LRCH1: variants seen among roughly 807,000 people sequenced by gnomAD.
LRCH1 encodes the protein leucine rich repeats and calponin homology domain containing 1.
LRCH1 carries 23 observed loss-of-function variants against 94.9 expected under a neutral mutation model. The ratio of observed to expected loss-of-function variants is 0.24; its 90% CI spans 0.17 to 0.34. The LOEUF (loss-of-function observed/expected upper bound fraction) is 0.34, where lower values mean the gene tolerates loss of function less well. LRCH1 is among the 10% of genes least tolerant of loss of function. The pLI is 1.00. For missense variants in LRCH1, 790 were observed against 945.9 expected, an observed-to-expected ratio of 0.84 and a Z score of 2.16; for synonymous variants, 364 against 354.9, an observed-to-expected ratio of 1.03 and a Z score of -0.29.
At chr13:46,609,271 A>G (rs1327551915) in intron 1 of LRCH1, among the ~76,000 whole-genome samples, 1 of 152,188 alleles carries the variant, frequency 6.6e-6, no homozygotes, top group East Asian at 1.9e-4. Flanking sequence ...GTTCTGGGAC[A>G]GAGTTATAGG....
chr13:46,669,166 C>T lies in LRCH1; in HGVS notation c.579+10C>T, dbSNP rs751364118. ...ACAGTTAATGGAGCTGGTATGTTAC[C>T]GATTTTTAAGATGCTCTTTTTTGTT... On this transcript the variant is annotated intron_variant, in intron 3 of 19. Coordinates refer to ENST00000389797, the MANE Select transcript of LRCH1 (RefSeq NM_001164211.2). 24 of 1,612,116 alleles carry T rather than the reference C, an allele frequency of 1.5e-5. No homozygotes were observed. The Admixed American group carries it at 2.5e-4, about 17-fold the overall frequency.
chr13:46,601,282 A>C (rs1333305059), intron 1 of LRCH1, among the ~76,000 whole-genome samples: 1 of 152,234 alleles, frequency 6.6e-6, no homozygotes, highest in Non-Finnish European at 1.5e-5. Flanking sequence ...CTCCCTACAG[A>C]AAACAGCAAA....
intron 1 of LRCH1, among the ~76,000 whole-genome samples, chr13:46,621,400 G>C (rs1009059852): frequency 1.3e-5 from 2 of 152,238 alleles, no homozygotes; most frequent in Non-Finnish European, 2.9e-5. Context: ...TCAGTTCTGA[G>C]TGCAGGGTGC....
chr13:46,710,911 T>C (rs1051664159), intron 13 of LRCH1, among the ~76,000 whole-genome samples: 2 of 152,150 alleles, frequency 1.3e-5, no homozygotes, highest in African/African-American at 4.8e-5. Flanking sequence ...TGTTTCTGCG[T>C]GTCCCTTTCA....
At chr13:46,560,146 T>TATATATATATATATATATATATAG (rs1446345751) in intron 1 of LRCH1, among the ~76,000 whole-genome samples, 2 of 150,046 alleles carry the variant, frequency 1.3e-5, no homozygotes, top group Admixed American at 1.3e-4. Flanking sequence ...CCCCCATATA[T>TATATATATATATATATATATATAG]ATAGACTTTT....
intron 1 of LRCH1, among the ~76,000 whole-genome samples, chr13:46,586,478 C>T (rs2050436433): frequency 6.6e-6 from 1 of 152,118 alleles, no homozygotes; most frequent in Admixed American, 6.5e-5. Flanking sequence ...TGCAGAGGTG[C>T]AATCTTAGCT....
intron 1 of LRCH1, among the ~76,000 whole-genome samples, chr13:46,554,177 T>G (rs1006086371): frequency 2.6e-5 from 4 of 152,240 alleles, no homozygotes; most frequent in Non-Finnish European, 5.9e-5. Context: ...TAGCCCATCC[T>G]GGTGGGGAAA....
intron 1 of LRCH1, among the ~76,000 whole-genome samples, chr13:46,646,904 G>A (rs1747227): frequency 0.59 from 89,374 of 151,844 alleles, 26,306 homozygotes; most frequent in South Asian, 0.68. Flanking sequence ...CCTGAGGTCC[G>A]GGGTTTAAGA....
intron 1 of LRCH1, among the ~76,000 whole-genome samples, chr13:46,569,626 C>T (rs542469713): frequency 2.6e-5 from 4 of 152,198 alleles, no homozygotes; most frequent in African/African-American, 7.2e-5. Flanking sequence ...GCTTGCCCAC[C>T]GAGGCTCAGC....
intron 10 of LRCH1, among the ~76,000 whole-genome samples, chr13:46,700,294 G>T (rs1871396338): frequency 6.6e-6 from 1 of 152,136 alleles, no homozygotes; most frequent in African/African-American, 2.4e-5. Context: ...TCTCCTTACA[G>T]AAAGTCATTG....
intron 1 of LRCH1, among the ~76,000 whole-genome samples, chr13:46,648,856 G>A (rs542706135): frequency 6.6e-6 from 1 of 151,976 alleles, no homozygotes; most frequent in African/African-American, 2.4e-5. Context: ...CCTTAATAAG[G>A]TTGTTTAAAA....
chr13:46,690,649 T>A (rs1314394263), intron 7 of LRCH1, among the ~76,000 whole-genome samples: 1 of 152,192 alleles, frequency 6.6e-6, no homozygotes, highest in Non-Finnish European at 1.5e-5. Context: ...GAGAGGTGGG[T>A]AGAAAGAGAA....
At chr13:46,604,112 C>A (rs1216768940) in intron 1 of LRCH1, among the ~76,000 whole-genome samples, 4 of 152,198 alleles carry the variant, frequency 2.6e-5, no homozygotes, top group Non-Finnish European at 4.4e-5. Flanking sequence ...AAATACAAGA[C>A]ACCCAGTTAA....
At chr13:46,718,021 A>G (rs1183541161) in intron 16 of LRCH1, among the ~76,000 whole-genome samples, 1 of 152,190 alleles carries the variant, frequency 6.6e-6, no homozygotes. Flanking sequence ...CTGGAGCTGG[A>G]TGGGACAGCT....
At chr13:46,711,941 T>C in intron 14 of LRCH1, 97 bp downstream of exon 14, 1 of 913,582 alleles carries the variant, frequency 1.1e-6, no homozygotes, top group Non-Finnish European at 1.7e-6. Flanking sequence ...TTGTGATTAA[T>C]TAATTAATTG....
At chr13:46,625,259 A>C (rs2050931665) in intron 1 of LRCH1, among the ~76,000 whole-genome samples, 1 of 152,066 alleles carries the variant, frequency 6.6e-6, no homozygotes. Context: ...ATACTTCTGT[A>C]CTCCACCTAT....
At chr13:46,711,871 G>C in intron 14 of LRCH1, 27 bp downstream of exon 14, 12 of 1,578,200 alleles carry the variant, frequency 7.6e-6, no homozygotes, top group Non-Finnish European at 9.6e-6. Flanking sequence ...TTAATGGAAG[G>C]TGAGGTGTTT....
intron 4 of LRCH1, among the ~76,000 whole-genome samples, chr13:46,682,961 G>A (rs1870410269): frequency 6.6e-6 from 1 of 152,218 alleles, no homozygotes; most frequent in African/African-American, 2.4e-5. Context: ...CCTGGATCAG[G>A]AATGAACGGA....
chr13:46,729,119 A>G, intron 18 of LRCH1, 135 bp downstream of exon 18: 1 of 758,824 alleles, frequency 1.3e-6, no homozygotes, highest in East Asian at 3.1e-5. Flanking sequence ...ATTATAAGGC[A>G]GAAAAGGAAT....
Sources: allele counts gnomAD v4.1 joint callset (sites outside exome capture counted in the v4.1 genomes callset), GRCh38; gene constraint gnomAD v4.1.1; transcripts MANE v1.5; gene names NCBI Gene and HGNC (gene_info 2026-07-23, HGNC 2026-07-21).